Variants in MAMDC2 observed in about 807,000 individuals in gnomAD.
MAMDC2 encodes the protein MAM domain containing 2, also known as MAM domain-containing protein 2.
Under a neutral mutation model 89.8 loss-of-function variants are expected in MAMDC2, and 57 were observed. The ratio of observed to expected loss-of-function variants is 0.63; its 90% CI spans 0.51 to 0.79. The LOEUF is 0.79. Among genes scored for constraint, MAMDC2 ranks in the 30% least tolerant of loss-of-function variants. The probability of loss-of-function intolerance (pLI) is 0.00; values close to 1 mark genes in which losing one functional copy is unlikely to be tolerated. For missense variants in MAMDC2, 800 were observed against 820.6 expected, an observed-to-expected ratio of 0.97 and a Z score of 0.31; for synonymous variants, 313 against 293.4, an observed-to-expected ratio of 1.07 and a Z score of -0.68.
intron 5 of MAMDC2, among the ~76,000 whole-genome samples, chr9:70,121,705 G>A (rs866817618): frequency 3.1e-5 from 4 of 128,794 alleles, no homozygotes; most frequent in Admixed American, 1.8e-4. Context: ...GAATCTTAAC[G>A]ATCTGACAAA....
intron 2 of MAMDC2, among the ~76,000 whole-genome samples, chr9:70,044,982 A>G (rs969873643): frequency 6.6e-6 from 1 of 152,168 alleles, no homozygotes; most frequent in Non-Finnish European, 1.5e-5. Context: ...AGCACAGCTA[A>G]TGATTGTTCT....
chr9:70,131,594 C>T lies in MAMDC2; in HGVS notation c.976C>T (p.His326Tyr), dbSNP rs760677890. The T allele has an allele frequency of 6.2e-7, 1 of 1,609,040 alleles. No homozygotes were observed. The highest frequency in any genetic ancestry group is 8.5e-7 in the Non-Finnish European group (1 of 1,178,316). The change falls in exon 7 of 14, where the codon CAC becomes TAC. Residue 326 changes from histidine (H) to tyrosine (Y), a missense_variant. Physicochemically the swap from His to Tyr is moderately conservative, Grantham distance 83. Transcript: ENST00000377182. ...ALDDISFSPV[H>Y]CQNQTELLFS... ...GGATGATATTTCATTCTCTCCTGTT[C>T]ACTGCCAGAATCAGACAGGTGAGCA...
chr9:70,219,453 C>T (rs2033514588), intron 12 of MAMDC2, among the ~76,000 whole-genome samples: 1 of 152,248 alleles, frequency 6.6e-6, no homozygotes, highest in African/African-American at 2.4e-5. Flanking sequence ...GACCAGCACT[C>T]TGCGTCTTTA....
intron 9 of MAMDC2, among the ~76,000 whole-genome samples, chr9:70,160,753 T>G (rs557268698): frequency 6.6e-6 from 1 of 152,296 alleles, no homozygotes; most frequent in South Asian, 2.1e-4. Flanking sequence ...ATACTATGGC[T>G]GGTTCGACAT....
At chr9:70,127,912 A>G (rs181740127) in intron 6 of MAMDC2, among the ~76,000 whole-genome samples, 125 of 151,886 alleles carry the variant, frequency 8.2e-4, no homozygotes, top group Non-Finnish European at 1.0e-3. Context: ...CTCTTTACCA[A>G]CTCCTTCCAT....
At chr9:70,198,202 T>C (rs1312879140) in intron 11 of MAMDC2, among the ~76,000 whole-genome samples, 1 of 142,720 alleles carries the variant, frequency 7.0e-6, no homozygotes, top group Non-Finnish European at 1.5e-5. Context: ...ACACACAATA[T>C]ATAATATATA....
intron 7 of MAMDC2, among the ~76,000 whole-genome samples, chr9:70,136,438 C>G (rs907053472): frequency 1.3e-5 from 2 of 152,164 alleles, no homozygotes; most frequent in Non-Finnish European, 2.9e-5. Flanking sequence ...TATCTACTCA[C>G]CTACTGAAGG....
chr9:70,167,854 C>A (rs776266006), intron 9 of MAMDC2, among the ~76,000 whole-genome samples: 11 of 152,108 alleles, frequency 7.2e-5, no homozygotes, highest in Non-Finnish European at 1.3e-4. Context: ...ATTAGTGACA[C>A]CAACTGGGAA....
intron 7 of MAMDC2, among the ~76,000 whole-genome samples, chr9:70,134,293 C>G (rs1174168599): frequency 7.0e-6 from 1 of 143,458 alleles, no homozygotes; most frequent in East Asian, 2.2e-4. Context: ...AACTGCCCCC[C>G]ACACCCGGTG....
intron 11 of MAMDC2, among the ~76,000 whole-genome samples, chr9:70,205,029 G>A (rs1167666614): frequency 2.6e-5 from 4 of 152,212 alleles, no homozygotes; most frequent in East Asian, 1.9e-4. Flanking sequence ...CCTCGCTCAC[G>A]CTGGGAGCTG....
At chr9:70,168,935 G>A in intron 10 of MAMDC2, 140 bp downstream of exon 10, 1 of 670,014 alleles carries the variant, frequency 1.5e-6, no homozygotes, top group Non-Finnish European at 2.5e-6. Flanking sequence ...GAGCTGTGTA[G>A]CAGGCTTTGA....
intron 2 of MAMDC2, chr9:70,063,312 T>C (rs1827191202): frequency 6.6e-6 from 1 of 152,006 alleles, no homozygotes; most frequent in South Asian, 2.1e-4. Flanking sequence ...ATAAGGTTCG[T>C]GGAGATGGAG....
intron 3 of MAMDC2, chr9:70,109,481 T>A (rs578053825): frequency 3.7e-4 from 158 of 427,842 alleles, no homozygotes; most frequent in Admixed American, 7.1e-4. Context: ...GATGCCTTAT[T>A]TACCTTGAAG....
At chr9:70,220,678 C>G (rs2033538608) in intron 12 of MAMDC2, among the ~76,000 whole-genome samples, 1 of 152,150 alleles carries the variant, frequency 6.6e-6, no homozygotes, top group Non-Finnish European at 1.5e-5. Flanking sequence ...TGAATGAGAA[C>G]CAGATCTGCA....
At chr9:70,166,874 C>T (rs1160689399) in intron 9 of MAMDC2, among the ~76,000 whole-genome samples, 1 of 152,028 alleles carries the variant, frequency 6.6e-6, no homozygotes. Context: ...AAGCTACCCC[C>T]CACACCCCAT....
chr9:70,184,711 C>T (rs1401938402), intron 11 of MAMDC2, among the ~76,000 whole-genome samples: 1 of 151,874 alleles, frequency 6.6e-6, no homozygotes, highest in East Asian at 1.9e-4. Flanking sequence ...AGTTCTCATG[C>T]TGTGTTTTTC....
At chr9:70,083,089 A>G (rs1235785081) in intron 2 of MAMDC2, among the ~76,000 whole-genome samples, 1 of 152,212 alleles carries the variant, frequency 6.6e-6, no homozygotes, top group Non-Finnish European at 1.5e-5. Context: ...AAAAGGAATC[A>G]TAGGACATTT....
chr9:70,195,245 A>T (rs1464252826), intron 11 of MAMDC2, among the ~76,000 whole-genome samples: 2 of 152,108 alleles, frequency 1.3e-5, no homozygotes. Context: ...ACCAAAAAGC[A>T]AACCAACCAA....
At chr9:70,184,568 C>T (rs1027448426) in intron 11 of MAMDC2, among the ~76,000 whole-genome samples, 1 of 151,964 alleles carries the variant, frequency 6.6e-6, no homozygotes, top group Admixed American at 6.6e-5. Context: ...TTCTTGGAGG[C>T]TTTGATCATC....
Sources: allele counts gnomAD v4.1 joint callset (sites outside exome capture counted in the v4.1 genomes callset), GRCh38; gene constraint gnomAD v4.1.1; transcripts MANE v1.5; gene names NCBI Gene and HGNC (gene_info 2026-07-23, HGNC 2026-07-21).